The following MRAP2 variants were observed in gnomAD, a reference collection of about 807,000 sequenced individuals.
MRAP2 encodes melanocortin 2 receptor accessory protein 2.
Under a neutral mutation model 17.4 loss-of-function variants are expected in MRAP2, and 20 were observed. The observed-to-expected ratio is 1.15, with a 90% CI of 0.81 to 1.67. The LOEUF (loss-of-function observed/expected upper bound fraction) is 1.67. MRAP2 is among the 40% of genes most tolerant of loss of function. The pLI is 0.00. For missense variants in MRAP2, 238 were observed against 240.0 expected, an observed-to-expected ratio of 0.99 and a Z score of 0.05; for synonymous variants, 96 against 88.4, an observed-to-expected ratio of 1.09 and a Z score of -0.48.
At chr6:84,102,260 T>C in the MRAP2 span, among the ~76,000 whole-genome samples, 1 of 152,160 alleles carries the variant, frequency 6.6e-6, no homozygotes, top group Admixed American at 6.5e-5. Flanking sequence ...AATATGTTAT[T>C]TATTGGCAAA....
chr6:84,088,351 C>T (rs1192174685), intron 3 of MRAP2, among the ~76,000 whole-genome samples: 1 of 152,174 alleles, frequency 6.6e-6, no homozygotes, highest in Admixed American at 6.5e-5. Context: ...ATTTTATTCA[C>T]TCATTGACTC....
intron 1 of MRAP2, among the ~76,000 whole-genome samples, chr6:84,041,319 G>A (rs1471911319): frequency 1.3e-5 from 2 of 152,392 alleles, no homozygotes; most frequent in African/African-American, 4.8e-5. Context: ...CCAGCCAGAA[G>A]TGTGCTGCAG....
chr6:84,060,880 T>TTTTA (rs60127449), intron 2 of MRAP2, among the ~76,000 whole-genome samples: 1 of 150,218 alleles, frequency 6.7e-6, no homozygotes, highest in African/African-American at 2.5e-5. Context: ...TTTGTATTTT[T>TTTTA]AGTAGAGACG....
chr6:84,129,789 T>C, the MRAP2 span, among the ~76,000 whole-genome samples: 1 of 152,210 alleles, frequency 6.6e-6, no homozygotes, highest in Admixed American at 6.5e-5. Flanking sequence ...AAATATACAA[T>C]TGTGTCATCT....
At chr6:84,136,838 C>G in the MRAP2 span, among the ~76,000 whole-genome samples, 1 of 152,204 alleles carries the variant, frequency 6.6e-6, no homozygotes, top group African/African-American at 2.4e-5. Context: ...GCATGAGAAA[C>G]TGACCTTGGG....
the MRAP2 span, among the ~76,000 whole-genome samples, chr6:84,101,649 A>G: frequency 6.6e-6 from 1 of 152,228 alleles, no homozygotes; most frequent in Non-Finnish European, 1.5e-5. Flanking sequence ...CTAAAGCATC[A>G]TATGTTTAAA....
the MRAP2 span, among the ~76,000 whole-genome samples, chr6:84,135,769 A>G: frequency 2.6e-5 from 4 of 152,188 alleles, no homozygotes; most frequent in African/African-American, 7.2e-5. Context: ...AAGCTGAGAC[A>G]TAAGAATCAC....
chr6:84,096,464 G>A, the MRAP2 span, among the ~76,000 whole-genome samples: 1 of 152,178 alleles, frequency 6.6e-6, no homozygotes, highest in African/African-American at 2.4e-5. Flanking sequence ...AGTACCCACA[G>A]ACCCTATGAC....
chr6:84,097,716 T>C, the MRAP2 span, among the ~76,000 whole-genome samples: 1 of 152,238 alleles, frequency 6.6e-6, no homozygotes, highest in African/African-American at 2.4e-5. Context: ...TTTGCATCTA[T>C]TGTTTAATGT....
At chr6:84,063,116 G>A (rs1340986839) in intron 3 of MRAP2, 124 bp downstream of exon 3, 1 of 1,504,442 alleles carries the variant, frequency 6.6e-7, no homozygotes, top group Non-Finnish European at 8.9e-7. Context: ...TAGATTTGCT[G>A]TCTGGACCCA....
chr6:84,143,666 T>A, the MRAP2 span, among the ~76,000 whole-genome samples: 6 of 151,974 alleles, frequency 3.9e-5, no homozygotes, highest in African/African-American at 1.4e-4. Flanking sequence ...ATATCTTGTG[T>A]GTCTAAGCTG....
At chr6:84,041,824 T>G (rs1253320098) in intron 1 of MRAP2, among the ~76,000 whole-genome samples, 3 of 152,250 alleles carry the variant, frequency 2.0e-5, no homozygotes, top group African/African-American at 7.2e-5. Context: ...TTTTACAGAC[T>G]GATAGGCAGG....
At chr6:84,061,319 A>G (rs1326603579) in intron 2 of MRAP2, among the ~76,000 whole-genome samples, 1 of 152,218 alleles carries the variant, frequency 6.6e-6, no homozygotes, top group Admixed American at 6.5e-5. Flanking sequence ...ATTTCCACAT[A>G]GACAAGCTTC....
Position 84,089,128 on chromosome 6 carries a change from AGCT to A in MRAP2, c.266_268del (p.Ser89_Phe90delinsIle). On this transcript the variant is annotated inframe_deletion, in exon 4 of 4. Transcript: ENST00000257776. ...CTCAGAGAAGAGATTCAGAATGAAC[AGCT>A]TTGTGTCAGACTTTGGAAGACCTCT... 6.2e-7 allele frequency: 1 copy of A among 1,613,934 alleles called. No individual in the cohort carries two copies. The highest frequency in any genetic ancestry group is 1.7e-5 in the Admixed American group (1 of 59,950).
the MRAP2 span, among the ~76,000 whole-genome samples, chr6:84,117,464 G>A: frequency 6.6e-6 from 1 of 151,178 alleles, no homozygotes; most frequent in East Asian, 1.9e-4. Context: ...TCTCTTCTTT[G>A]TACCTCTGGT....
the MRAP2 span, among the ~76,000 whole-genome samples, chr6:84,114,870 G>A: frequency 6.6e-6 from 1 of 152,178 alleles, no homozygotes; most frequent in Non-Finnish European, 1.5e-5. Flanking sequence ...GACATCCACT[G>A]CAGACCCTGT....
chr6:84,089,440 A>G lies in MRAP2; in HGVS notation c.577A>G (p.Thr193Ala). The change falls in exon 4 of 4, where the codon ACT becomes GCT. Residue 193 changes from threonine to alanine, a missense_variant. Thr to Ala is a moderately conservative substitution (Grantham distance 58, BLOSUM62 0). Coordinates refer to ENST00000257776, the MANE Select transcript of MRAP2 (RefSeq NM_138409.4). ...TTCTGAACCACCTATTGTTCTGGAA[A>G]CTAAGCCACTTTCCCAGACCTCACA... ...LISEPPIVLE[T>A]KPLSQTSHKD... The G allele has an allele frequency of 1.2e-6, 2 of 1,613,978 alleles. No individual in the cohort carries two copies. Among genetic ancestry groups the G allele is most frequent in the Non-Finnish European group, 1.7e-6 (2 of 1,180,010 alleles).
At chr6:84,041,530 CT>C (rs1253225651) in intron 1 of MRAP2, among the ~76,000 whole-genome samples, 5 of 152,186 alleles carry the variant, frequency 3.3e-5, no homozygotes, top group Non-Finnish European at 7.3e-5. Context: ...TCAATGCCAG[CT>C]GTGAAGGCGC....
chr6:84,063,748 G>A (rs1475535684), intron 3 of MRAP2, among the ~76,000 whole-genome samples: 1 of 152,136 alleles, frequency 6.6e-6, no homozygotes, highest in Non-Finnish European at 1.5e-5. Flanking sequence ...GCAGGCAACA[G>A]TAATTAAAAG....
Sources: gnomAD v4.1 joint callset for allele counts (sites outside exome capture counted in the v4.1 genomes callset) on GRCh38, gnomAD v4.1.1 for gene constraint, MANE v1.5 for transcripts, NCBI Gene and HGNC (gene_info 2026-07-23, HGNC 2026-07-21) for gene names.